Variants in NAV3 observed in about 807,000 individuals in gnomAD.
NAV3 encodes neuron navigator 3.
In NAV3, 87 loss-of-function variants were observed where a neutral mutation model predicts 244.7. The ratio of observed to expected loss-of-function variants is 0.36; its 90% CI spans 0.30 to 0.42. NAV3 has a LOEUF of 0.42. NAV3 is among the 20% of genes least tolerant of loss of function. The pLI, the probability that NAV3 is intolerant of heterozygous loss-of-function variation, is 1.00. For missense variants in NAV3, 2,663 were observed against 2,893.3 expected, an observed-to-expected ratio of 0.92 and a Z score of 1.83; for synonymous variants, 1,126 against 1,042.2, an observed-to-expected ratio of 1.08 and a Z score of -1.55.
At chr12:77,575,034 T>A (rs1371369449) in intron 2 of NAV3, among the ~76,000 whole-genome samples, 2 of 148,504 alleles carry the variant, frequency 1.3e-5, no homozygotes, top group African/African-American at 4.9e-5. Context: ...CTTAAATATA[T>A]ATATATAATA....
chr12:77,785,139 A>C (rs1219960090), intron 2 of NAV3, among the ~76,000 whole-genome samples: 1 of 152,074 alleles, frequency 6.6e-6, no homozygotes, highest in African/African-American at 2.4e-5. Flanking sequence ...ATAGACAGGA[A>C]CCACAGGCAC....
chr12:77,586,202 A>G (rs111489244), intron 2 of NAV3, among the ~76,000 whole-genome samples: 5,814 of 152,264 alleles, frequency 0.038, 250 homozygotes, highest in Admixed American at 0.13. Flanking sequence ...TATAATTTAC[A>G]CTGATTAATT....
At chr12:78,135,476 C>T (rs965472386) in intron 18 of NAV3, among the ~76,000 whole-genome samples, 3 of 152,140 alleles carry the variant, frequency 2.0e-5, no homozygotes, top group African/African-American at 7.2e-5. Context: ...TAGAAGTACA[C>T]TTCACTTGGA....
At chr12:77,976,643 A>ATTCTTTCTTTCT (rs759190677) in intron 5 of NAV3, among the ~76,000 whole-genome samples, 2 of 115,146 alleles carry the variant, frequency 1.7e-5, no homozygotes, top group African/African-American at 6.7e-5. Context: ...TGTATACTGT[A>ATTCTTTCTTTCT]TTCTTTCTTT....
intron 5 of NAV3, among the ~76,000 whole-genome samples, chr12:77,987,415 G>A (rs1870707859): frequency 1.3e-5 from 2 of 152,122 alleles, no homozygotes; most frequent in South Asian, 4.1e-4. Context: ...AACCTTTGCA[G>A]GACTGTTGTG....
chr12:77,814,486 TA>T, intron 2 of NAV3, among the ~76,000 whole-genome samples: 1 of 151,792 alleles, frequency 6.6e-6, no homozygotes, highest in East Asian at 2.0e-4. Context: ...AAAACAACAA[TA>T]AGGAGAGGAG....
At chr12:77,658,676 G>C (rs1335716717) in intron 2 of NAV3, among the ~76,000 whole-genome samples, 1 of 152,176 alleles carries the variant, frequency 6.6e-6, no homozygotes, top group East Asian at 1.9e-4. Flanking sequence ...AAAGAACAAA[G>C]CTGGAGGCAT....
chr12:78,082,319 A>T (rs1478043489), intron 12 of NAV3, among the ~76,000 whole-genome samples: 1 of 152,230 alleles, frequency 6.6e-6, no homozygotes, highest in Non-Finnish European at 1.5e-5. Context: ...GTATTAATAC[A>T]CAGGCATATG....
chr12:77,973,346 G>A (rs1002295725), intron 5 of NAV3, among the ~76,000 whole-genome samples: 2 of 152,070 alleles, frequency 1.3e-5, no homozygotes, highest in African/African-American at 4.8e-5. Context: ...AAAACCAGTG[G>A]TGATAAATCT....
chr12:77,990,156 A>C (rs1280892016), intron 5 of NAV3, among the ~76,000 whole-genome samples: 1 of 152,248 alleles, frequency 6.6e-6, no homozygotes, highest in African/African-American at 2.4e-5. Context: ...AATCACTAAA[A>C]TAACAAGAAT....
At chr12:77,674,133 A>G (rs1057461252) in intron 2 of NAV3, among the ~76,000 whole-genome samples, 1 of 152,178 alleles carries the variant, frequency 6.6e-6, no homozygotes, top group Non-Finnish European at 1.5e-5. Flanking sequence ...TTTCTTTATA[A>G]ATGTAAAAAT....
intron 2 of NAV3, among the ~76,000 whole-genome samples, chr12:77,617,680 G>GT (rs1871195777): frequency 6.6e-6 from 1 of 152,132 alleles, no homozygotes. Flanking sequence ...TAAGGGTATG[G>GT]TGGAGAGTGA....
At chr12:78,050,218 C>T (rs1353353308) in intron 10 of NAV3, 117 bp downstream of exon 10, 7 of 740,600 alleles carry the variant, frequency 9.5e-6, no homozygotes, top group Non-Finnish European at 1.6e-5. Context: ...CTATTTTCTC[C>T]CTTGTTTTAT....
chr12:78,210,115 T>A (rs1960748550), intron 39 of NAV3, among the ~76,000 whole-genome samples: 1 of 152,210 alleles, frequency 6.6e-6, no homozygotes, highest in South Asian at 2.1e-4. Flanking sequence ...CCAGCTGTGA[T>A]ACAGTTTCCT....
intron 30 of NAV3, among the ~76,000 whole-genome samples, chr12:78,184,294 AT>A (rs1323689573): frequency 6.6e-6 from 1 of 151,894 alleles, no homozygotes; most frequent in Non-Finnish European, 1.5e-5. Context: ...TACTAAAGTA[AT>A]TTGATCACAA....
rs1182704167 is a variant in NAV3, at chr12:77,655,925, C to T, written c.72+83659C>T. Among the ~76,000 whole-genome samples the T allele has an allele frequency of 2.8e-4, 40 of 143,784 alleles. 2 individuals are homozygous for T. Among genetic ancestry groups the T allele is most frequent in the African/African-American group, 1.0e-3 (36 of 35,818 alleles). 94.3% of individuals were successfully genotyped at this position (143,784 alleles called of 152,430 possible). On this transcript the variant is annotated intron_variant, in intron 2 of 8. Coordinates refer to the NAV3 transcript ENST00000550042. Reference sequence around the variant, plus strand: ...CAAATGCTGAGAGATTTTGTCACCACCAGGCCTGCCCTAAAAGAGCTCCTG... The same window carrying T: ...CAAATGCTGAGAGATTTTGTCACCATCAGGCCTGCCCTAAAAGAGCTCCTG...
intron 1 of NAV3, among the ~76,000 whole-genome samples, chr12:77,852,322 G>A (rs1456280115): frequency 6.6e-6 from 1 of 152,162 alleles, no homozygotes; most frequent in Non-Finnish European, 1.5e-5. Flanking sequence ...ATAACCTGCA[G>A]TCAGGAATTT....
chr12:77,637,947 T>G (rs1872226936), intron 2 of NAV3, among the ~76,000 whole-genome samples: 1 of 152,192 alleles, frequency 6.6e-6, no homozygotes, highest in African/African-American at 2.4e-5. Flanking sequence ...GAATTGACAT[T>G]TTAATTAACA....
chr12:77,978,931 CA>C (rs1403576615), intron 5 of NAV3, among the ~76,000 whole-genome samples: 1 of 151,772 alleles, frequency 6.6e-6, no homozygotes, highest in Non-Finnish European at 1.5e-5. Flanking sequence ...GCTTCAGCCT[CA>C]AAATGTTGAG....
Sources: gnomAD v4.1 joint callset for allele counts (sites outside exome capture counted in the v4.1 genomes callset) on GRCh38, gnomAD v4.1.1 for gene constraint, MANE v1.5 for transcripts, NCBI Gene and HGNC (gene_info 2026-07-23, HGNC 2026-07-21) for gene names.